The following BCO1 variants were observed in gnomAD, a reference collection of about 807,000 sequenced individuals.
BCO1 encodes the protein beta-carotene oxygenase 1, also known as beta,beta-carotene 15,15'-dioxygenase.
A neutral mutation model predicts 56.3 loss-of-function variants in BCO1; 54 were observed. The ratio of observed to expected loss-of-function variants is 0.96; its 90% CI spans 0.77 to 1.20. The LOEUF is 1.20. BCO1 is among the 50% of genes most tolerant of loss of function. The probability of loss-of-function intolerance (pLI) is 0.00; values close to 1 mark genes in which losing one functional copy is unlikely to be tolerated. For synonymous variants in BCO1, 318 were observed against 266.1 expected, an observed-to-expected ratio of 1.20 and a Z score of -1.90; for missense variants, 801 against 690.9, an observed-to-expected ratio of 1.16 and a Z score of -1.79.
At position 81,239,653 on chromosome 16, in the gene BCO1, G is replaced by A. The variant is rs142962888; in HGVS notation, c.64+681G>A. Among the ~76,000 whole-genome samples the A allele has an allele frequency of 2.0e-4, 31 of 152,238 alleles. 1 individual carries two copies. Among genetic ancestry groups the A allele is most frequent in the Middle Eastern group, 3.4e-3 (1 of 294 alleles). On this transcript the variant is annotated intron_variant, in intron 1 of 10. Transcript: ENST00000258168. ...TAGAGGGGCGTGCATGAGCTCCCACGCATGCACATCCACCACGCACACTTG... is the reference window on the plus strand; with the variant it reads ...TAGAGGGGCGTGCATGAGCTCCCACACATGCACATCCACCACGCACACTTG...
chr16:81,262,471 T>C lies in BCO1; in HGVS notation c.471+188T>C, dbSNP rs1906549660. Reference sequence around the variant, plus strand: ...AGGCAGGGACTGTGTTGTTTTTATCTTCGTGTCTGTATCAGTTTCCTGGGG... The same window carrying C: ...AGGCAGGGACTGTGTTGTTTTTATCCTCGTGTCTGTATCAGTTTCCTGGGG... On this transcript the variant is annotated intron_variant, in intron 4 of 10. Transcript: ENST00000258168. 4.6e-6 allele frequency: 3 copies of C among 653,082 alleles called. No homozygotes were observed. The South Asian group carries it at 5.0e-5, about 11-fold the overall frequency. The allele number at this position is 653,082 out of a possible 1,614,324, so 40.5% of individuals were successfully genotyped here.
chr16:81,246,862 A>AAAAAAAAAAAACAAAAAAAC (rs1905454378), intron 2 of BCO1, among the ~76,000 whole-genome samples: 1 of 151,030 alleles, frequency 6.6e-6, no homozygotes, highest in Non-Finnish European at 1.5e-5. Context: ...AAAAAAAAAA[A>AAAAAAAAAAAACAAAAAAAC]AAAAAAGAAG....
intron 2 of BCO1, among the ~76,000 whole-genome samples, chr16:81,249,242 C>T (rs1905632230): frequency 6.6e-6 from 1 of 151,956 alleles, no homozygotes; most frequent in South Asian, 2.1e-4. Context: ...AGGCACATGC[C>T]ACCACATCTG....
intron 1 of BCO1, among the ~76,000 whole-genome samples, chr16:81,241,567 G>C (rs374995525): frequency 2.5e-4 from 38 of 152,170 alleles, no homozygotes; most frequent in Admixed American, 2.0e-4. Context: ...CCAGACCCAC[G>C]GGGTCAGACA....
At chr16:81,261,278 G>C (rs1906465641) in intron 3 of BCO1, among the ~76,000 whole-genome samples, 1 of 152,212 alleles carries the variant, frequency 6.6e-6, no homozygotes, top group South Asian at 2.1e-4. Context: ...TACAGGATTT[G>C]CCAATTTCAT....
chr16:81,241,706 G>C (rs1337569845), intron 1 of BCO1, among the ~76,000 whole-genome samples: 1 of 152,186 alleles, frequency 6.6e-6, no homozygotes, highest in African/African-American at 2.4e-5. Flanking sequence ...GCAGTGACTT[G>C]CCAAGGCCAG....
At chr16:81,271,363 C>T (rs776737920) in intron 7 of BCO1, among the ~76,000 whole-genome samples, 1 of 152,276 alleles carries the variant, frequency 6.6e-6, no homozygotes, top group South Asian at 2.1e-4. Flanking sequence ...GATCCACCCA[C>T]CTTGGCCTCC....
In BCO1 at chr16:81,262,151, G is replaced by T; in HGVS notation, c.339G>T (p.Leu113Phe). 6.2e-7 allele frequency: 1 copy of T among 1,613,904 alleles called. No homozygotes were observed. Among genetic ancestry groups the T allele is most frequent in the South Asian group, 1.1e-5 (1 of 91,062 alleles). Residue 113 changes from leucine to phenylalanine, a missense_variant, in exon 4 of 11, where the codon TTG becomes TTT. Coordinates refer to ENST00000258168, the MANE Select transcript of BCO1 (RefSeq NM_017429.3). Reference sequence around the variant, plus strand: ...TTCTCCCCAGAGCTTTCTCCTACTTGTCTCACACCATCCCCGATTTCACCG... The same window carrying T: ...TTCTCCCCAGAGCTTTCTCCTACTTTTCTCACACCATCCCCGATTTCACCG... The part of the protein sequence containing the change: ...KNIFSKAFSY[L>F]SHTIPDFTDN...
In BCO1 at chr16:81,272,967, A is replaced by T. The variant is rs565703405; in HGVS notation, c.1101+2551A>T. Among the ~76,000 whole-genome samples, 611 of 148,110 alleles carry T rather than the reference A, an allele frequency of 4.1e-3. 1 individual carries two copies. Among genetic ancestry groups the T allele is most frequent in the African/African-American group, 0.015 (590 of 40,142 alleles). The stretch of plus-strand genomic sequence containing the variant: ...TGCCCCAGTCTGTCTCTAAACCCCC[A>T]TTTTTTTTTTCTTTTTGTGGGGGAT... On this transcript the variant is annotated intron_variant, in intron 7 of 10. Transcript: ENST00000258168.
chr16:81,269,436 T>C (rs1907048508), intron 6 of BCO1, among the ~76,000 whole-genome samples: 1 of 151,982 alleles, frequency 6.6e-6, no homozygotes, highest in African/African-American at 2.4e-5. Context: ...GTTGGGATTA[T>C]AGGCACACGC....
intron 2 of BCO1, 147 bp from the exon 3 acceptor site, chr16:81,259,529 G>A (rs561068222): frequency 1.3e-4 from 74 of 587,190 alleles, no homozygotes; most frequent in East Asian, 1.1e-3. Context: ...TTTAAAATGC[G>A]AATTGTATCG....
At position 81,262,274 on chromosome 16, in the gene BCO1, C is replaced by T; in HGVS notation, c.462C>T (p.Thr154=). The change falls in exon 4 of 11, where the codon ACC becomes ACT. Residue 154 remains threonine (T), a synonymous_variant. Coordinates refer to ENST00000258168, the MANE Select transcript of BCO1 (RefSeq NM_017429.3). The part of the protein sequence containing the change: ...IRKINPQTLE[T]LEKVDYRKYV... Reference sequence around the variant, plus strand: ...AAATCAACCCACAGACTCTGGAAACCCTGGAGAAGGTATCAACACATATGT... The same window carrying T: ...AAATCAACCCACAGACTCTGGAAACTCTGGAGAAGGTATCAACACATATGT... 1.9e-6 allele frequency: 3 copies of T among 1,613,380 alleles called. No homozygotes were observed. Among genetic ancestry groups the T allele is most frequent in the Non-Finnish European group, 2.5e-6 (3 of 1,179,484 alleles).
intron 1 of BCO1, among the ~76,000 whole-genome samples, chr16:81,244,635 C>G (rs80003223): frequency 0.033 from 5,060 of 152,152 alleles, 110 homozygotes; most frequent in African/African-American, 0.071. Context: ...GGAAGCTGAC[C>G]ACACCCTCCT....
intron 6 of BCO1, among the ~76,000 whole-genome samples, 196 bp downstream of exon 6, chr16:81,268,327 G>A (rs1017818604): frequency 3.3e-5 from 5 of 152,288 alleles, no homozygotes; most frequent in Admixed American, 6.5e-5. Flanking sequence ...GTACCCCCAC[G>A]GTGATGAGTT....
intron 1 of BCO1, among the ~76,000 whole-genome samples, chr16:81,243,887 A>C (rs1464989780): frequency 6.6e-6 from 1 of 152,246 alleles, no homozygotes; most frequent in South Asian, 2.1e-4. Flanking sequence ...GAGAGAAGGA[A>C]ACCAATAAAT....
In BCO1 at chr16:81,285,631, C is replaced by G. The variant is rs772138416; in HGVS notation, c.1299C>G (p.Thr433=). ...GAGTTCAGTGGAGTCCAATCCCAAC[C>G]AAGGTACTGGTCTCTGTGTATTCAC... ...ATGVQWSPIP[T]KIIKYDILTK... Residue 433 remains threonine (T), a synonymous_variant, in exon 9 of 11, where the codon ACC becomes ACG. Coordinates refer to ENST00000258168, the MANE Select transcript of BCO1 (RefSeq NM_017429.3). The G allele has an allele frequency of 1.9e-6, 3 of 1,594,808 alleles. No homozygotes were observed. The highest frequency in any genetic ancestry group is 2.6e-6 in the Non-Finnish European group (3 of 1,162,378).
At chr16:81,269,223 C>G (rs879068274) in intron 6 of BCO1, among the ~76,000 whole-genome samples, 1 of 151,810 alleles carries the variant, frequency 6.6e-6, no homozygotes, top group Admixed American at 6.6e-5. Context: ...TCCACCCCCA[C>G]GTCTGAAGGG....
chr16:81,270,440 T>C (rs779103292), intron 7 of BCO1, 24 bp downstream of exon 7: 72 of 1,613,564 alleles, frequency 4.5e-5, no homozygotes, highest in South Asian at 1.4e-4. Context: ...AGGAGGTCCC[T>C]TTTCTTTCTA....
chr16:81,262,364 C>A (rs1906542439), intron 4 of BCO1, 81 bp downstream of exon 4: 1 of 1,495,304 alleles, frequency 6.7e-7, no homozygotes, highest in Non-Finnish European at 9.3e-7. Context: ...GGTTGCTCAG[C>A]CTGCAAGCAG....
Sources: gnomAD v4.1 joint callset for allele counts (sites outside exome capture counted in the v4.1 genomes callset) on GRCh38, gnomAD v4.1.1 for gene constraint, MANE v1.5 for transcripts, NCBI Gene and HGNC (gene_info 2026-07-23, HGNC 2026-07-21) for gene names.